The following TMEM182 variants were observed in gnomAD, a reference collection of about 807,000 sequenced individuals.
TMEM182 encodes the protein transmembrane protein 182.
Under a neutral mutation model 26.8 loss-of-function variants are expected in TMEM182, and 20 were observed. That is an observed-to-expected ratio of 0.75 (90% CI 0.53 to 1.09). TMEM182 has a LOEUF of 1.09. Ranked by LOEUF, TMEM182 falls within the 50% of genes least tolerant of loss-of-function variation. The pLI, the probability that TMEM182 is intolerant of heterozygous loss-of-function variation, is 0.00. For missense variants in TMEM182, 277 were observed against 275.5 expected (o/e 1.01, Z -0.04); for synonymous variants, 109 against 102.2 (o/e 1.07, Z -0.40).
downstream of TMEM182, chr2:102,817,772 C>A: frequency 2.2e-6 from 2 of 911,926 alleles, no homozygotes; most frequent in Non-Finnish European, 2.6e-6. Context: ...TGTAAGTGTG[C>A]ATGTGTATTA....
intron 3 of TMEM182, among the ~76,000 whole-genome samples, chr2:102,782,165 G>T (rs2104698406): frequency 6.6e-6 from 1 of 152,116 alleles, no homozygotes; most frequent in African/African-American, 2.4e-5. Flanking sequence ...AATTAGTCAG[G>T]TGTGGTGGCC....
intron 3 of TMEM182, among the ~76,000 whole-genome samples, chr2:102,828,939 G>A (rs911045678): frequency 6.6e-6 from 1 of 152,162 alleles, no homozygotes; most frequent in Non-Finnish European, 1.5e-5. Flanking sequence ...GGGGTATGAA[G>A]AACACCCTGT....
chr2:102,783,839 A>G (rs1180010952), intron 3 of TMEM182, among the ~76,000 whole-genome samples: 2 of 152,242 alleles, frequency 1.3e-5, no homozygotes, highest in Non-Finnish European at 2.9e-5. Context: ...CTTGATAAGT[A>G]AAGAAAATGT....
Position 102,797,849 on chromosome 2 carries a change from C to A in TMEM182, c.332-14C>A, listed in dbSNP as rs1369431326. The A allele has an allele frequency of 6.2e-7, 1 of 1,604,960 alleles. No individual in the cohort carries two copies. The highest frequency in any genetic ancestry group is 1.7e-5 in the Admixed American group (1 of 57,570). ...ATTTTTCTTTCTTTTCTCTTTTCCT[C>A]CTGGGGTCTCCAGTTTACCGTGGTT... On this transcript the variant is annotated splice_polypyrimidine_tract_variant and intron_variant, in intron 3 of 4. Transcript: ENST00000412401.
chr2:102,838,797 G>A (rs1404992662), intron 3 of TMEM182, among the ~76,000 whole-genome samples: 3 of 152,180 alleles, frequency 2.0e-5, no homozygotes, highest in African/African-American at 4.8e-5. Flanking sequence ...TCTCACAGAT[G>A]TTTAGGCAGA....
intron 1 of TMEM182, among the ~76,000 whole-genome samples, chr2:102,753,200 C>CG (rs139928282): frequency 2.0e-5 from 3 of 151,356 alleles, no homozygotes; most frequent in Admixed American, 1.3e-4. Flanking sequence ...AGCTTCCCCC[C>CG]CCCACTGCCT....
chr2:102,809,579 T>A (rs1682474845), intron 4 of TMEM182, among the ~76,000 whole-genome samples: 1 of 152,194 alleles, frequency 6.6e-6, no homozygotes, highest in Non-Finnish European at 1.5e-5. Context: ...GGGAATGTTT[T>A]CAGCTTAACC....
intron 3 of TMEM182, among the ~76,000 whole-genome samples, chr2:102,829,686 T>C (rs1683115665): frequency 6.6e-6 from 1 of 152,120 alleles, no homozygotes. Context: ...GAGGAGTCCA[T>C]CGGATAGCAG....
At chr2:102,828,341 G>T (rs1205841841) in intron 3 of TMEM182, among the ~76,000 whole-genome samples, 1 of 152,128 alleles carries the variant, frequency 6.6e-6, no homozygotes, top group African/African-American at 2.4e-5. Context: ...ATTGGGCATG[G>T]AGACACTGTT....
At chr2:102,771,598 G>A (rs557359629) in intron 3 of TMEM182, among the ~76,000 whole-genome samples, 2 of 152,278 alleles carry the variant, frequency 1.3e-5, no homozygotes, top group East Asian at 1.9e-4. Context: ...AGAGGCAATC[G>A]CTTTCTGAAA....
intron 3 of TMEM182, among the ~76,000 whole-genome samples, chr2:102,832,003 G>A (rs898708486): frequency 1.3e-5 from 2 of 152,136 alleles, no homozygotes; most frequent in Non-Finnish European, 2.9e-5. Flanking sequence ...TAGAGAAAAC[G>A]CAAGAAGACA....
chr2:102,815,199 A>T lies in TMEM182; in HGVS notation c.*231A>T. On this transcript the variant is annotated 3_prime_UTR_variant, in exon 5 of 5. Transcript: ENST00000412401. ...TGTCAAGGACCTAGTTCTTTAGGGA[A>T]TAGGTAAACAGGTCTCCCTTTCATT... 4 of 1,338,316 alleles carry T rather than the reference A, an allele frequency of 3.0e-6. No homozygotes were observed. Among genetic ancestry groups the T allele is most frequent in the Non-Finnish European group, 3.8e-6 (4 of 1,045,786 alleles). 82.9% of individuals were successfully genotyped at this position (1,338,316 alleles called of 1,614,324 possible).
intron 3 of TMEM182, among the ~76,000 whole-genome samples, chr2:102,785,417 T>C (rs1268353769): frequency 3.3e-5 from 5 of 152,246 alleles, no homozygotes; most frequent in Non-Finnish European, 7.3e-5. Flanking sequence ...GCATAGACGA[T>C]AGCCATCTAA....
chr2:102,742,140 A>C (rs1369194891), intron 1 of TMEM182, among the ~76,000 whole-genome samples: 1 of 152,214 alleles, frequency 6.6e-6, no homozygotes, highest in African/African-American at 2.4e-5. Flanking sequence ...ATGGAAAAGT[A>C]AGCAACATGC....
chr2:102,794,679 C>T (rs934720513), intron 3 of TMEM182, among the ~76,000 whole-genome samples: 2 of 152,166 alleles, frequency 1.3e-5, no homozygotes, highest in African/African-American at 4.8e-5. Context: ...ATTATTTCCC[C>T]ATATGTTTTA....
chr2:102,746,740 C>T (rs1340423093), intron 1 of TMEM182, among the ~76,000 whole-genome samples: 1 of 152,050 alleles, frequency 6.6e-6, no homozygotes, highest in East Asian at 1.9e-4. Context: ...AGGCAGCCAC[C>T]ACCACACCCG....
At chr2:102,790,125 C>T (rs773871615) in intron 3 of TMEM182, among the ~76,000 whole-genome samples, 63 of 152,208 alleles carry the variant, frequency 4.1e-4, no homozygotes, top group Admixed American at 3.3e-3. Flanking sequence ...AAAGAACTTG[C>T]GAGGGCAAGG....
At chr2:102,740,232 C>A (rs901546305) in intron 1 of TMEM182, among the ~76,000 whole-genome samples, 3 of 152,138 alleles carry the variant, frequency 2.0e-5, no homozygotes, top group Middle Eastern at 3.4e-3. Flanking sequence ...CTTTGTGTTC[C>A]CACGCAAATC....
chr2:102,843,408 C>G (rs1382171404), intron 3 of TMEM182: 1 of 152,190 alleles, frequency 6.6e-6, no homozygotes, highest in Non-Finnish European at 1.5e-5. Context: ...TCACTCTTTT[C>G]TAGATGGAAT....
Sources: allele counts gnomAD v4.1 joint callset (sites outside exome capture counted in the v4.1 genomes callset), GRCh38; gene constraint gnomAD v4.1.1; transcripts MANE v1.5; gene names NCBI Gene and HGNC (gene_info 2026-07-23, HGNC 2026-07-21).